LINGO2: variants seen among roughly 807,000 people sequenced by gnomAD.
The protein encoded by LINGO2 is leucine rich repeat and Ig domain containing 2.
LINGO2 carries 14 observed loss-of-function variants against 30.6 expected under a neutral mutation model. The observed-to-expected ratio is 0.46, with a 90% confidence interval of 0.30 to 0.72. The LOEUF (loss-of-function observed/expected upper bound fraction) is 0.72. Among genes scored for constraint, LINGO2 ranks in the 30% least tolerant of loss-of-function variants. LINGO2 has a pLI of 0.07. For missense variants in LINGO2, 729 were observed against 751.7 expected, an observed-to-expected ratio of 0.97 and a Z score of 0.35; for synonymous variants, 317 against 288.5, an observed-to-expected ratio of 1.10 and a Z score of -1.00.
chr9:29,058,970 T>A, the LINGO2 span, among the ~76,000 whole-genome samples: 1 of 152,016 alleles, frequency 6.6e-6, no homozygotes, highest in Non-Finnish European at 1.5e-5. Flanking sequence ...TACAAACATG[T>A]TGTCTACAAA....
At chr9:27,998,476 G>A (rs928375103) in intron 5 of LINGO2, among the ~76,000 whole-genome samples, 8 of 152,106 alleles carry the variant, frequency 5.3e-5, no homozygotes, top group African/African-American at 7.2e-5. Context: ...ACCATCTGAC[G>A]TCAGATATAT....
At chr9:29,013,700 T>A in the LINGO2 span, among the ~76,000 whole-genome samples, 43 of 152,296 alleles carry the variant, frequency 2.8e-4, no homozygotes, top group South Asian at 8.9e-3. Flanking sequence ...ATTTATTATA[T>A]CCTTATTGAT....
At chr9:29,107,548 A>T in the LINGO2 span, among the ~76,000 whole-genome samples, 4 of 152,258 alleles carry the variant, frequency 2.6e-5, no homozygotes, top group South Asian at 8.3e-4. Flanking sequence ...TTGTCTTTTA[A>T]AATTTTTTTT....
chr9:28,067,084 CTTATT>C (rs1825335041), intron 4 of LINGO2, among the ~76,000 whole-genome samples: 1 of 152,110 alleles, frequency 6.6e-6, no homozygotes, highest in South Asian at 2.1e-4. Context: ...CTCTGGTCCT[CTTATT>C]TTATGCCAGC....
chr9:27,949,614 T>C, exon 6 of LINGO2: 1 of 1,614,074 alleles, frequency 6.2e-7, no homozygotes, highest in Non-Finnish European at 8.5e-7. Flanking sequence ...AGGGTTGTTG[T>C]TAATGCTCAA....
At chr9:28,996,986 C>T in the LINGO2 span, among the ~76,000 whole-genome samples, 2 of 152,172 alleles carry the variant, frequency 1.3e-5, no homozygotes, top group South Asian at 2.1e-4. Flanking sequence ...ATTCCTTCTC[C>T]TTGGCCAGGC....
At chr9:28,820,595 G>C in the LINGO2 span, among the ~76,000 whole-genome samples, 1 of 152,110 alleles carries the variant, frequency 6.6e-6, no homozygotes, top group Non-Finnish European at 1.5e-5. Flanking sequence ...TTGAGGGCAG[G>C]CCACTTTAAA....
the LINGO2 span, among the ~76,000 whole-genome samples, chr9:29,027,614 A>G: frequency 4.6e-5 from 7 of 152,212 alleles, no homozygotes; most frequent in Non-Finnish European, 8.8e-5. Flanking sequence ...CTGCGATTAC[A>G]GGCATGAGCC....
the LINGO2 span, among the ~76,000 whole-genome samples, chr9:29,130,863 G>C: frequency 2.0e-5 from 3 of 151,938 alleles, no homozygotes; most frequent in Non-Finnish European, 4.4e-5. Flanking sequence ...AAAATACTAA[G>C]GTTAGATAGT....
chr9:28,552,599 T>C (rs1182234350), intron 1 of LINGO2, among the ~76,000 whole-genome samples: 2 of 151,948 alleles, frequency 1.3e-5, no homozygotes, highest in African/African-American at 2.4e-5. Context: ...GGTGAGTCTA[T>C]TCATTATAAA....
At chr9:28,833,632 T>A in the LINGO2 span, among the ~76,000 whole-genome samples, 145 of 152,290 alleles carry the variant, frequency 9.5e-4, 1 homozygote, top group Non-Finnish European at 1.7e-3. Context: ...TGTAGCTTCA[T>A]AAAATATATG....
At chr9:28,359,553 G>T (rs1418355601) in intron 3 of LINGO2, among the ~76,000 whole-genome samples, 3 of 152,082 alleles carry the variant, frequency 2.0e-5, no homozygotes, top group Non-Finnish European at 4.4e-5. Context: ...TTTTTAGCAT[G>T]ATATTCTTTT....
the LINGO2 span, among the ~76,000 whole-genome samples, chr9:29,152,709 G>A: frequency 6.6e-6 from 1 of 152,148 alleles, no homozygotes; most frequent in Non-Finnish European, 1.5e-5. Context: ...CTACCTGGGT[G>A]ATGGGATAAT....
chr9:28,278,466 G>C (rs1045507407), intron 4 of LINGO2, among the ~76,000 whole-genome samples: 1 of 152,148 alleles, frequency 6.6e-6, no homozygotes, highest in South Asian at 2.1e-4. Context: ...GGCTAATGCA[G>C]CTGGTGACTT....
chr9:28,861,242 T>TA, the LINGO2 span, among the ~76,000 whole-genome samples: 875 of 93,552 alleles, frequency 9.4e-3, 8 homozygotes, highest in African/African-American at 0.011. Context: ...ATAATATATA[T>TA]TTTTTATACA....
intron 2 of LINGO2, among the ~76,000 whole-genome samples, chr9:28,437,522 T>C: frequency 6.7e-6 from 1 of 149,012 alleles, no homozygotes; most frequent in Admixed American, 6.8e-5. Flanking sequence ...TCCCTTCCTA[T>C]ACACACAGAC....
At chr9:28,438,827 C>CAT (rs200082723) in intron 2 of LINGO2, among the ~76,000 whole-genome samples, 19,246 of 130,532 alleles carry the variant, frequency 0.15, 1,378 homozygotes, top group East Asian at 0.25. Flanking sequence ...AAAATATATA[C>CAT]ATATATATAT....
the LINGO2 span, among the ~76,000 whole-genome samples, chr9:29,081,969 G>T: frequency 6.6e-6 from 1 of 152,094 alleles, no homozygotes; most frequent in Non-Finnish European, 1.5e-5. Context: ...CTCATGGGTA[G>T]GAAGAAACAA....
At chr9:29,129,839 T>C in the LINGO2 span, among the ~76,000 whole-genome samples, 3 of 152,108 alleles carry the variant, frequency 2.0e-5, no homozygotes, top group Non-Finnish European at 4.4e-5. Context: ...AGAAAGGATA[T>C]TGTATGGTTA....
Sources: allele counts gnomAD v4.1 joint callset (sites outside exome capture counted in the v4.1 genomes callset), GRCh38; gene constraint gnomAD v4.1.1; transcripts MANE v1.5; gene names NCBI Gene and HGNC (gene_info 2026-07-23, HGNC 2026-07-21).